NCOR2: variants seen among roughly 807,000 people sequenced by gnomAD.
The protein encoded by NCOR2 is nuclear receptor corepressor 2.
Under a neutral mutation model 262.9 loss-of-function variants are expected in NCOR2, and 81 were observed. The observed-to-expected ratio is 0.31, with a 90% CI of 0.26 to 0.37. The LOEUF (loss-of-function observed/expected upper bound fraction) is 0.37. Ranked by LOEUF, NCOR2 falls within the 10% of genes least tolerant of loss-of-function variation. The probability of loss-of-function intolerance (pLI) is 1.00; values close to 1 mark genes in which losing one functional copy is unlikely to be tolerated. For missense variants in NCOR2, 3,385 were observed against 3,621.4 expected (o/e 0.93, Z 1.68); for synonymous variants, 1,659 against 1,559.3 (o/e 1.06, Z -1.51).
chr12:124,560,644 A>T (rs1387898058), intron 1 of NCOR2, among the ~76,000 whole-genome samples: 1 of 152,238 alleles, frequency 6.6e-6, no homozygotes, highest in African/African-American at 2.4e-5. Flanking sequence ...TTGTTTTTAA[A>T]GGGAACGCAC....
intron 14 of NCOR2, 54 bp from the exon 17 acceptor site, chr12:124,400,727 C>G (rs1263700371): frequency 6.3e-7 from 1 of 1,596,968 alleles, no homozygotes; most frequent in Admixed American, 1.7e-5. Flanking sequence ...GGAAATCAAA[C>G]AGCCACTGGA....
At chr12:124,342,015 G>A (rs776411023) in exon 34 of NCOR2, 1 of 1,613,262 alleles carries the variant, frequency 6.2e-7, no homozygotes. Context: ...AGGTAGGGTG[G>A]GTACAGGTGC....
At chr12:124,564,231 T>TC (rs1161880670) in intron 1 of NCOR2, among the ~76,000 whole-genome samples, 1 of 152,256 alleles carries the variant, frequency 6.6e-6, no homozygotes, top group Admixed American at 6.5e-5. Flanking sequence ...AGCTGGCCTT[T>TC]CCCAAGCATC....
intron 1 of NCOR2, among the ~76,000 whole-genome samples, chr12:124,550,554 T>C (rs982559197): frequency 2.6e-5 from 4 of 152,182 alleles, no homozygotes; most frequent in Non-Finnish European, 5.9e-5. Context: ...AGAAACTACA[T>C]TGGCCAGGAG....
intron 16 of NCOR2, among the ~76,000 whole-genome samples, chr12:124,393,444 A>C (rs1032392945): frequency 6.6e-6 from 1 of 152,154 alleles, no homozygotes; most frequent in Non-Finnish European, 1.5e-5. Context: ...GCCCCTCCCC[A>C]GTGGCCTCCC....
chr12:124,442,459 C>A (rs2044866201), intron 7 of NCOR2, among the ~76,000 whole-genome samples: 2 of 152,218 alleles, frequency 1.3e-5, no homozygotes, highest in African/African-American at 4.8e-5. Flanking sequence ...GTAAGTGTTT[C>A]TCTGCTGTTA....
At chr12:124,332,447 G>A in exon 43 of NCOR2, 6 of 1,614,216 alleles carry the variant, frequency 3.7e-6, no homozygotes, top group Non-Finnish European at 5.1e-6. Flanking sequence ...GGTGTTGCCT[G>A]GAGACTTGGA....
In NCOR2 at chr12:124,337,039, G is replaced by A; in HGVS notation, c.5829C>T (p.Ala1943=). The A allele has an allele frequency of 2.7e-6, 4 of 1,498,430 alleles. No individual in the cohort carries two copies. In the East Asian group the frequency reaches 9.4e-5, roughly 35 times the overall value. The allele number at this position is 1,498,430 out of a possible 1,614,324, so 92.8% of individuals were successfully genotyped here. Residue 1943 remains alanine, a synonymous_variant, in exon 38 of 47, where the codon GCC becomes GCT. Coordinates refer to ENST00000405201, the Ensembl canonical transcript of NCOR2. ...TGTCTGCTCGGGGCCGCTCTGGCCG[G>A]GCGACCCGGGGGGCCTCCTTGGGCA...
At position 124,378,295 on chromosome 12, in the gene NCOR2, C is replaced by T; in HGVS notation, c.2109G>A (p.Glu703=). The T allele has an allele frequency of 1.2e-6, 2 of 1,614,060 alleles. No individual in the cohort carries two copies. Among genetic ancestry groups the T allele is most frequent in the Non-Finnish European group, 1.7e-6 (2 of 1,179,906 alleles). ...CGCTCACGCCCGACGCCTCCATCTC[C>T]TCATCCTCCACCACGGGCGGGAATG... The change falls in exon 18 of 47, where the codon GAG becomes GAA. Residue 703 remains glutamate (E), a synonymous_variant. Transcript: ENST00000405201. This position sits in a 1 kb window ranked among gnomAD's most constrained non-coding sequence, Gnocchi z 4.2.
At chr12:124,355,101 G>GC (rs1251322726) in intron 24 of NCOR2, 162 bp from the exon 27 acceptor site, 14 of 652,358 alleles carry the variant, frequency 2.1e-5, no homozygotes, top group Non-Finnish European at 3.4e-5. Flanking sequence ...CCAAGCCTCG[G>GC]CCCCCTCCCC....
intron 7 of NCOR2, among the ~76,000 whole-genome samples, chr12:124,442,351 G>A (rs1486553141): frequency 6.6e-6 from 1 of 152,162 alleles, no homozygotes; most frequent in Non-Finnish European, 1.5e-5. Flanking sequence ...TTGTTGCCCA[G>A]CTCGTCTCCA....
chr12:124,346,518 C>A (rs1412657790), intron 31 of NCOR2, 46 bp downstream of exon 33: 2 of 1,447,744 alleles, frequency 1.4e-6, no homozygotes, highest in Non-Finnish European at 1.8e-6. Context: ...ACAGCCACCG[C>A]CACCCCTCCT....
chr12:124,364,569 G>C (rs898060985), intron 20 of NCOR2, among the ~76,000 whole-genome samples: 2 of 152,238 alleles, frequency 1.3e-5, no homozygotes, highest in African/African-American at 4.8e-5. Context: ...GGCCGACACA[G>C]GGTACACGGT....
chr12:124,408,060 T>C (rs1251763092), intron 13 of NCOR2, among the ~76,000 whole-genome samples: 1 of 152,212 alleles, frequency 6.6e-6, no homozygotes, highest in Non-Finnish European at 1.5e-5. Context: ...TTTTATAAGA[T>C]ATACCAAGGC....
chr12:124,427,026 G>A lies in NCOR2; in HGVS notation c.1150-226C>T, dbSNP rs541150553. 3.9e-5 allele frequency among the ~76,000 whole-genome samples: 6 copies of A among 152,346 alleles called. No homozygotes were observed. The East Asian group carries it at 5.8e-4, about 15-fold the overall frequency. ...CAGGTTTATGGTGGGCAGGACTGTA[G>A]ATTCAATGCAGAGAGCAGCAGCCGC... On this transcript the variant is annotated intron_variant, in intron 10 of 46. Coordinates refer to ENST00000405201, the Ensembl canonical transcript of NCOR2.
rs912086358 is a variant in NCOR2 at position 124,327,200 on chromosome 12, C to T, written c.7183+209G>A. ...CTTCGGGCCTAGTGGGCAGGAGGGC[C>T]GGGGCTGGGGGGCAGAGGGTACAGA... On this transcript the variant is annotated intron_variant, in intron 45 of 46. Coordinates refer to ENST00000405201, the Ensembl canonical transcript of NCOR2. Among the ~76,000 whole-genome samples, 9 of 151,252 alleles carry T rather than the reference C, an allele frequency of 6.0e-5. No individual in the cohort carries two copies. The South Asian group carries it at 8.4e-4, about 14-fold the overall frequency.
chr12:124,526,582 T>A (rs1229097802), intron 1 of NCOR2, among the ~76,000 whole-genome samples: 3 of 152,152 alleles, frequency 2.0e-5, no homozygotes, highest in African/African-American at 7.2e-5. Flanking sequence ...ACCCCCATCC[T>A]CTGTCCATGC....
chr12:124,329,294 T>A, intron 44 of NCOR2: 1 of 352,110 alleles, frequency 2.8e-6, no homozygotes. Context: ...AAACCCCGTC[T>A]CTACTAAAAA....
rs1264126105 is a variant in NCOR2 at position 124,523,764 on chromosome 12, G to A, written c.-118+11801C>T. ...AGCTTGCCTTACAACAATCCTATGG[G>A]GTGCTGTCATACCCATTCCATTAAT... On this transcript the variant is annotated intron_variant, in intron 1 of 46. Coordinates refer to the NCOR2 transcript ENST00000404621. The surrounding 1 kb of genome is among the most constrained non-coding windows in gnomAD (Gnocchi z 4.0). Among the ~76,000 whole-genome samples the A allele has an allele frequency of 1.3e-5, 2 of 152,300 alleles. No homozygotes were observed. Among genetic ancestry groups the A allele is most frequent in the South Asian group, 2.1e-4 (1 of 4,824 alleles).
Sources: gnomAD v4.1 joint callset for allele counts (sites outside exome capture counted in the v4.1 genomes callset) on GRCh38, gnomAD v4.1.1 for gene constraint, Gnocchi (gnomAD v3.1) non-coding constraint, MANE v1.5 for transcripts, NCBI Gene and HGNC (gene_info 2026-07-23, HGNC 2026-07-21) for gene names.